PRPF39: variants seen among roughly 807,000 people sequenced by gnomAD.
PRPF39 encodes pre-mRNA processing factor 39.
Under a neutral mutation model 82.1 loss-of-function variants are expected in PRPF39, and 27 were observed. The ratio of observed to expected loss-of-function variants is 0.33; its 90% CI spans 0.24 to 0.45. The LOEUF (loss-of-function observed/expected upper bound fraction) is 0.45. Ranked by LOEUF, PRPF39 falls within the 20% of genes least tolerant of loss-of-function variation. The pLI is 1.00. For missense variants in PRPF39, 581 were observed against 796.9 expected (o/e 0.73, Z 3.26); for synonymous variants, 261 against 256.4 (o/e 1.02, Z -0.17).
chr14:45,087,168 G>A (rs1007437100), intron 1 of PRPF39, among the ~76,000 whole-genome samples: 1 of 152,134 alleles, frequency 6.6e-6, no homozygotes, highest in Non-Finnish European at 1.5e-5. Context: ...GACATGGTCA[G>A]CCCACTGCAA....
At chr14:45,098,738 G>T (rs2139048344) in intron 4 of PRPF39, among the ~76,000 whole-genome samples, 1 of 152,174 alleles carries the variant, frequency 6.6e-6, no homozygotes, top group African/African-American at 2.4e-5. Flanking sequence ...AATCTGGACT[G>T]GTCTTCTAGT....
In PRPF39 at chr14:45,116,168, TA is replaced by T; in HGVS notation, c.*1257del. On this transcript the variant is annotated 3_prime_UTR_variant, in exon 14 of 14. Coordinates refer to ENST00000355765, the MANE Select transcript of PRPF39 (RefSeq NM_017922.4). ...CAAGGCCAAGTTTTATCATTGTTGC[TA>T]ATATCCTTAGAGCTGAAGCACTGCT... 6.5e-7 allele frequency: 1 copy of T among 1,527,894 alleles called. No individual in the cohort carries two copies. Among genetic ancestry groups the T allele is most frequent in the Non-Finnish European group, 9.1e-7 (1 of 1,103,298 alleles). The allele number at this position is 1,527,894 out of a possible 1,614,324, so 94.6% of individuals were successfully genotyped here. A position where few individuals can be genotyped will look rare whatever the true frequency, so the allele number is the denominator to read the frequency against.
Position 45,095,589 on chromosome 14 carries a change from G to C in PRPF39, c.324+26G>C, listed in dbSNP as rs1398963902. 4 of 1,530,946 alleles carry C rather than the reference G, an allele frequency of 2.6e-6. No individual in the cohort carries two copies. In the African/African-American group the frequency reaches 4.2e-5, roughly 16 times the overall value. The allele number at this position is 1,530,946 out of a possible 1,614,324, so 94.8% of individuals were successfully genotyped here. A position where few individuals can be genotyped will look rare whatever the true frequency, so the allele number is the denominator to read the frequency against. ...GTTAGTAACTATTAAAATGGTATCAGAAGGGACAAATTAATCAAGTCATTA... is the reference window on the plus strand; with the variant it reads ...GTTAGTAACTATTAAAATGGTATCACAAGGGACAAATTAATCAAGTCATTA... On this transcript the variant is annotated intron_variant, in intron 2 of 13. Coordinates refer to ENST00000355765, the MANE Select transcript of PRPF39 (RefSeq NM_017922.4).
intron 1 of PRPF39, among the ~76,000 whole-genome samples, chr14:45,092,270 G>A (rs983391678): frequency 6.6e-5 from 10 of 152,174 alleles, no homozygotes; most frequent in African/African-American, 2.4e-4. Context: ...GCAACTAACA[G>A]TGTCTGCCAG....
chr14:45,110,003 G>A lies in PRPF39; in HGVS notation c.1177-91G>A. On this transcript the variant is annotated intron_variant, in intron 8 of 13. Transcript: ENST00000355765. This position sits in a 1 kb window ranked among gnomAD's most constrained non-coding sequence, Gnocchi z 4.0. ...TAGTGGTTCAATAAAGGTGCTGAAT[G>A]GGTTTAAAAATAGAATTTTATCGTT... 1.3e-6 allele frequency: 2 copies of A among 1,590,660 alleles called. No individual in the cohort carries two copies. Among genetic ancestry groups the A allele is most frequent in the Non-Finnish European group, 1.7e-6 (2 of 1,167,848 alleles).
chr14:45,114,228 G>C lies in PRPF39; in HGVS notation c.1803G>C (p.Gln601His). 14 of 1,603,254 alleles carry C rather than the reference G, an allele frequency of 8.7e-6. No homozygotes were observed. The highest frequency in any genetic ancestry group is 1.2e-5 in the Non-Finnish European group (14 of 1,172,924). The change falls in exon 12 of 14, where the codon CAG (glutamine) becomes CAC (histidine). Residue 601 changes from glutamine to histidine, a missense_variant. Gln to His is a conservative substitution (Grantham distance 24). Transcript: ENST00000355765. ...AACATCAAACACTCCTGAAAGAACAGGATTCTTTAAAAAGGAAAGCAGAAA... is the reference window on the plus strand; with the variant it reads ...AACATCAAACACTCCTGAAAGAACACGATTCTTTAAAAAGGAAAGCAGAAA... ...YDEHQTLLKE[Q>H]DSLKRKAENG...
intron 5 of PRPF39, among the ~76,000 whole-genome samples, chr14:45,103,177 A>G (rs944013818): frequency 1.3e-5 from 2 of 152,160 alleles, no homozygotes; most frequent in African/African-American, 4.8e-5. Context: ...TCTATTTTCA[A>G]ACACTCAGGT....
chr14:45,115,963 A>C lies in PRPF39; in HGVS notation c.*1050A>C. 1 of 452,304 alleles carries C rather than the reference A, an allele frequency of 2.2e-6. No homozygotes were observed. The highest frequency in any genetic ancestry group is 3.7e-5 in the South Asian group (1 of 27,050). 28.0% of individuals were successfully genotyped at this position (452,304 alleles called of 1,614,324 possible). On this transcript the variant is annotated 3_prime_UTR_variant, in exon 14 of 14. Coordinates refer to ENST00000355765, the MANE Select transcript of PRPF39 (RefSeq NM_017922.4). ...GTTTACAACATGAGGTAAAAGGAAAAAGTTCTCCTTGACCAGTATTTTACA... is the reference window on the plus strand; with the variant it reads ...GTTTACAACATGAGGTAAAAGGAAACAGTTCTCCTTGACCAGTATTTTACA...
intron 1 of PRPF39, among the ~76,000 whole-genome samples, chr14:45,086,021 G>T (rs890235788): frequency 6.6e-6 from 1 of 151,566 alleles, no homozygotes; most frequent in East Asian, 1.9e-4. Context: ...TTGGCTCACC[G>T]CAACCTCCGC....
chr14:45,108,659 T>C (rs755000530), intron 7 of PRPF39, 137 bp downstream of exon 7: 132 of 1,201,914 alleles, frequency 1.1e-4, no homozygotes, highest in Non-Finnish European at 1.4e-4. Context: ...GTTTGTCTCA[T>C]TTATTGTAAT....
intron 4 of PRPF39, among the ~76,000 whole-genome samples, chr14:45,102,016 A>C (rs576658471): frequency 1.3e-5 from 2 of 151,882 alleles, no homozygotes; most frequent in African/African-American, 4.8e-5. Flanking sequence ...CATGTTGGCC[A>C]TGTTGATCTT....
chr14:45,086,356 T>C (rs568724745), intron 1 of PRPF39, among the ~76,000 whole-genome samples: 1 of 152,242 alleles, frequency 6.6e-6, no homozygotes, highest in Non-Finnish European at 1.5e-5. Flanking sequence ...ATAATTATAC[T>C]AAAAGTGAAA....
At chr14:45,089,459 T>C (rs1883949878) in intron 1 of PRPF39, among the ~76,000 whole-genome samples, 1 of 152,218 alleles carries the variant, frequency 6.6e-6, no homozygotes, top group African/African-American at 2.4e-5. Flanking sequence ...TTTATGTCAG[T>C]ATCACACTTG....
At position 45,109,775 on chromosome 14, in the gene PRPF39, A is replaced by G. The variant is rs373701103; in HGVS notation, c.1171A>G (p.Ile391Val). Residue 391 changes from isoleucine to valine, a missense_variant, in exon 8 of 14, where the codon ATT becomes GTT. Ile to Val is a conservative substitution (Grantham distance 29). Coordinates refer to ENST00000355765, the MANE Select transcript of PRPF39 (RefSeq NM_017922.4). Reference sequence around the variant, plus strand: ...ATGTGCCCTCTATGAGGAGTTTTGGATTAAGGTAAGAAAATCATGTGCTCT... The same window carrying G: ...ATGTGCCCTCTATGAGGAGTTTTGGGTTAAGGTAAGAAAATCATGTGCTCT... ...ISCALYEEFW[I>V]KYAKYMENHS... 5 of 1,597,764 alleles carry G rather than the reference A, an allele frequency of 3.1e-6. No homozygotes were observed. The African/African-American group carries it at 5.4e-5, about 17-fold the overall frequency.
Position 45,102,241 on chromosome 14 carries a change from A to G in PRPF39, c.570-288A>G, listed in dbSNP as rs555923299. Among the ~76,000 whole-genome samples, 27 of 152,330 alleles carry G rather than the reference A, an allele frequency of 1.8e-4. No individual in the cohort carries two copies. The East Asian group carries it at 5.2e-3, about 29-fold the overall frequency. ...ACAATAGACATTTCAGATTTAACAA[A>G]TACTTACATGTCTACTCTTACCTAT... On this transcript the variant is annotated intron_variant, in intron 4 of 13. Coordinates refer to ENST00000355765, the MANE Select transcript of PRPF39 (RefSeq NM_017922.4).
At chr14:45,085,290 A>G (rs1294147080) in intron 1 of PRPF39, among the ~76,000 whole-genome samples, 1 of 152,198 alleles carries the variant, frequency 6.6e-6, no homozygotes, top group Non-Finnish European at 1.5e-5. Context: ...AGTGATGGAA[A>G]GGAGTTCTGT....
chr14:45,087,838 C>G (rs557802667), intron 1 of PRPF39, among the ~76,000 whole-genome samples: 107 of 150,762 alleles, frequency 7.1e-4, no homozygotes, highest in African/African-American at 2.5e-3. Flanking sequence ...CCGCCCGCCT[C>G]AGCCTCCCAA....
At chr14:45,109,087 A>G (rs756327611) in intron 7 of PRPF39, among the ~76,000 whole-genome samples, 6 of 151,740 alleles carry the variant, frequency 4.0e-5, no homozygotes, top group Non-Finnish European at 8.8e-5. Flanking sequence ...GCGACCCTCT[A>G]CCCCCAGTGC....
chr14:45,090,710 C>G (rs1047735778), intron 1 of PRPF39, among the ~76,000 whole-genome samples: 1 of 151,982 alleles, frequency 6.6e-6, no homozygotes, highest in Non-Finnish European at 1.5e-5. Context: ...GAGCTTATCT[C>G]CAAATGTGTG....
Sources: gnomAD v4.1 joint callset for allele counts (sites outside exome capture counted in the v4.1 genomes callset) on GRCh38, gnomAD v4.1.1 for gene constraint, Gnocchi (gnomAD v3.1) non-coding constraint, MANE v1.5 for transcripts, NCBI Gene and HGNC (gene_info 2026-07-23, HGNC 2026-07-21) for gene names.